Variants in ZNF804B observed in about 807,000 individuals in gnomAD.
ZNF804B encodes the protein zinc finger 804B.
ZNF804B carries 80 observed loss-of-function variants against 101.4 expected under a neutral mutation model. The ratio of observed to expected loss-of-function variants is 0.79; its 90% confidence interval spans 0.66 to 0.95. ZNF804B has a LOEUF of 0.95. Ranked by LOEUF, ZNF804B falls within the 40% of genes least tolerant of loss-of-function variation. The pLI is 0.00. For synonymous variants in ZNF804B, 622 were observed against 558.8 expected, an observed-to-expected ratio of 1.11 and a Z score of -1.59; for missense variants, 1,673 against 1,561.9, an observed-to-expected ratio of 1.07 and a Z score of -1.20.
chr7:89,336,642 T>TGCTTCC lies in ZNF804B; in HGVS notation c.3661_3666dup (p.Ala1221_Ser1222dup). 6.2e-7 allele frequency: 1 copy of TGCTTCC among 1,614,126 alleles called. No individual in the cohort carries two copies. ...CGTTCCTGCAGCATTTTGCTGTTTCTGCTTCCTTAAGTTCTCATAGCAGTC... is the reference window on the plus strand; with the variant it reads ...CGTTCCTGCAGCATTTTGCTGTTTCTGCTTCCGCTTCCTTAAGTTCTCATAGCAGTC... On this transcript the variant is annotated inframe_insertion, in exon 4 of 4. Transcript: ENST00000333190.
At chr7:89,173,063 A>G (rs181508568) in intron 1 of ZNF804B, among the ~76,000 whole-genome samples, 69 of 152,228 alleles carry the variant, frequency 4.5e-4, no homozygotes, top group African/African-American at 1.5e-3. Flanking sequence ...CTCCTGGGGT[A>G]TGAATTAATC....
At chr7:89,065,604 C>T (rs940507845) in intron 1 of ZNF804B, among the ~76,000 whole-genome samples, 5 of 152,032 alleles carry the variant, frequency 3.3e-5, no homozygotes, top group Admixed American at 3.3e-4. Context: ...GGTTAAAACA[C>T]CAATTTATTC....
intron 1 of ZNF804B, among the ~76,000 whole-genome samples, chr7:88,918,160 A>G (rs548546472): frequency 6.6e-6 from 1 of 152,144 alleles, no homozygotes; most frequent in Non-Finnish European, 1.5e-5. Context: ...AGCAGTGCCA[A>G]TGTGGTACCA....
At chr7:89,218,976 C>G (rs1469101889) in intron 2 of ZNF804B, among the ~76,000 whole-genome samples, 1 of 151,924 alleles carries the variant, frequency 6.6e-6, no homozygotes. Flanking sequence ...TGGACCCATT[C>G]AGTTCAAAGG....
rs1484813280 is a variant in ZNF804B at position 89,333,945 on chromosome 7, T to C, written c.963T>C (p.His321=). 4 of 1,613,598 alleles carry C rather than the reference T, an allele frequency of 2.5e-6. No homozygotes were observed. The highest frequency in any genetic ancestry group is 2.2e-5 in the South Asian group (2 of 91,068). Residue 321 remains histidine, a synonymous_variant, in exon 4 of 4, where the codon CAT becomes CAC. Coordinates refer to ENST00000333190, the MANE Select transcript of ZNF804B (RefSeq NM_181646.5). ...CACTAGAAGATTCAATTGGCATTCA[T>C]GCTTCATTCTCTAAATCTAACATTC... The part of the protein sequence containing the change: ...DETLEDSIGI[H]ASFSKSNIHL...
intron 1 of ZNF804B, among the ~76,000 whole-genome samples, chr7:88,995,334 A>T (rs1029511): frequency 0.82 from 124,746 of 152,022 alleles, 51,555 homozygotes; most frequent in African/African-American, 0.92. Context: ...ATATGATATT[A>T]GCAGAGCATA....
intron 1 of ZNF804B, chr7:88,794,158 T>A: frequency 6.4e-7 from 1 of 1,568,092 alleles, no homozygotes; most frequent in Non-Finnish European, 8.6e-7. Context: ...TTAAGAGACA[T>A]GGGCACATTA....
At chr7:88,819,342 G>T (rs1475182753) in intron 1 of ZNF804B, among the ~76,000 whole-genome samples, 1 of 152,026 alleles carries the variant, frequency 6.6e-6, no homozygotes, top group Non-Finnish European at 1.5e-5. Context: ...TGTTGGTGAG[G>T]CTGGCCTCGA....
chr7:88,866,012 G>C (rs1018958620), intron 1 of ZNF804B, among the ~76,000 whole-genome samples: 1 of 152,072 alleles, frequency 6.6e-6, no homozygotes, highest in African/African-American at 2.4e-5. Context: ...ATTCATCTTT[G>C]TGTATTGATT....
intron 1 of ZNF804B, among the ~76,000 whole-genome samples, chr7:88,807,698 A>C (rs1335990102): frequency 6.6e-6 from 1 of 152,152 alleles, no homozygotes; most frequent in Non-Finnish European, 1.5e-5. Context: ...TACAATACAA[A>C]AGGTCTCAAG....
chr7:89,202,558 T>G (rs190650652), intron 1 of ZNF804B, among the ~76,000 whole-genome samples: 2 of 152,246 alleles, frequency 1.3e-5, no homozygotes, highest in Admixed American at 6.5e-5. Context: ...GATTACATGG[T>G]TTGAAGAAAG....
chr7:89,216,222 G>A (rs148689224), intron 1 of ZNF804B, among the ~76,000 whole-genome samples: 326 of 152,162 alleles, frequency 2.1e-3, no homozygotes, highest in Non-Finnish European at 3.7e-3. Context: ...CGGGAGAATC[G>A]CTTGAACTCC....
chr7:88,810,833 A>G (rs1790774353), intron 1 of ZNF804B, among the ~76,000 whole-genome samples: 1 of 152,206 alleles, frequency 6.6e-6, no homozygotes, highest in South Asian at 2.1e-4. Context: ...GCAACAGTCT[A>G]TGAACATCTT....
intron 1 of ZNF804B, among the ~76,000 whole-genome samples, chr7:88,864,234 A>G (rs553766050): frequency 6.6e-6 from 1 of 152,308 alleles, no homozygotes; most frequent in East Asian, 1.9e-4. Context: ...ACATGTTTCA[A>G]ATGCCTAGTG....
At chr7:89,166,897 G>T (rs990039526) in intron 1 of ZNF804B, among the ~76,000 whole-genome samples, 4 of 152,112 alleles carry the variant, frequency 2.6e-5, no homozygotes, top group African/African-American at 9.7e-5. Context: ...GTTTTATCCA[G>T]TTATGAATTA....
chr7:88,826,353 A>G (rs1358297867), intron 1 of ZNF804B, among the ~76,000 whole-genome samples: 2 of 152,098 alleles, frequency 1.3e-5, no homozygotes, highest in Non-Finnish European at 1.5e-5. Context: ...CCTCCCTGCA[A>G]CTACTTTTCC....
At chr7:88,803,831 A>G (rs996039514) in intron 1 of ZNF804B, among the ~76,000 whole-genome samples, 3 of 152,222 alleles carry the variant, frequency 2.0e-5, no homozygotes, top group East Asian at 1.9e-4. Flanking sequence ...AACTGAAACC[A>G]TGGGAAACAA....
chr7:89,229,850 C>A (rs1382664406), intron 2 of ZNF804B, among the ~76,000 whole-genome samples: 2 of 151,882 alleles, frequency 1.3e-5, no homozygotes, highest in African/African-American at 4.8e-5. Flanking sequence ...AATAAAAAAT[C>A]ATACAAAATA....
Position 89,335,317 on chromosome 7 carries a change from C to T in ZNF804B, c.2335C>T (p.Pro779Ser). 2 of 1,613,580 alleles carry T rather than the reference C, an allele frequency of 1.2e-6. No homozygotes were observed. The highest frequency in any genetic ancestry group is 1.1e-5 in the South Asian group (1 of 91,076). Residue 779 changes from proline to serine, a missense_variant, in exon 4 of 4, where the codon CCA becomes TCA. Physicochemically the swap from Pro to Ser is moderately conservative, Grantham distance 74. Coordinates refer to ENST00000333190, the MANE Select transcript of ZNF804B (RefSeq NM_181646.5). ...ITKSSQMQSE[P>S]QKERNCKLWE... ...AAAGAGCAGCCAAATGCAGTCTGAA[C>T]CACAGAAAGAGAGGAACTGCAAATT...
Sources: allele counts gnomAD v4.1 joint callset (sites outside exome capture counted in the v4.1 genomes callset), GRCh38; gene constraint gnomAD v4.1.1; transcripts MANE v1.5; gene names NCBI Gene and HGNC (gene_info 2026-07-23, HGNC 2026-07-21).